GRIK2: variants seen among roughly 807,000 people sequenced by gnomAD.
GRIK2 encodes glutamate ionotropic receptor kainate type subunit 2.
GRIK2 carries 32 observed loss-of-function variants against 100.3 expected under a neutral mutation model. That is an observed-to-expected ratio of 0.32 (90% CI 0.24 to 0.43). The LOEUF (loss-of-function observed/expected upper bound fraction) is 0.43, where lower values mean the gene tolerates loss of function less well. GRIK2 is among the 20% of genes least tolerant of loss of function. The pLI is 1.00. For missense variants in GRIK2, 843 were observed against 1,114.9 expected (o/e 0.76, Z 3.47); for synonymous variants, 417 against 389.4 (o/e 1.07, Z -0.83).
At chr6:101,823,122 C>T (rs1018249347) in intron 10 of GRIK2, among the ~76,000 whole-genome samples, 1 of 152,046 alleles carries the variant, frequency 6.6e-6, no homozygotes, top group African/African-American at 2.4e-5. Context: ...CTGCACTCCC[C>T]TCATTTAGTA....
chr6:101,930,435 G>A (rs762268647), intron 14 of GRIK2, among the ~76,000 whole-genome samples: 1 of 152,016 alleles, frequency 6.6e-6, no homozygotes, highest in African/African-American at 2.4e-5. Context: ...AAGTGAATGC[G>A]TGATGCATTT....
intron 6 of GRIK2, among the ~76,000 whole-genome samples, chr6:101,684,524 C>T (rs1771531194): frequency 1.3e-5 from 2 of 152,080 alleles, no homozygotes; most frequent in Admixed American, 6.6e-5. Flanking sequence ...TGTCAATCAT[C>T]AGCCCGGTCT....
In GRIK2 at chr6:101,721,203, T is replaced by C. The variant is rs183625422; in HGVS notation, c.951+34850T>C. On this transcript the variant is annotated intron_variant, in intron 7 of 16. Coordinates refer to ENST00000369134, the MANE Select transcript of GRIK2 (RefSeq NM_021956.5). Reference sequence around the variant, plus strand: ...TTTTTGCTGTCAGAACTTGTGGATGTCTCTTTTCTATTCTAAAAGGCAGTT... The same window carrying C: ...TTTTTGCTGTCAGAACTTGTGGATGCCTCTTTTCTATTCTAAAAGGCAGTT... Among the ~76,000 whole-genome samples the C allele has an allele frequency of 2.0e-5, 3 of 151,900 alleles. No individual in the cohort carries two copies. The East Asian group carries it at 5.8e-4, about 30-fold the overall frequency.
intron 4 of GRIK2, among the ~76,000 whole-genome samples, chr6:101,638,408 T>A (rs1004668379): frequency 1.3e-5 from 2 of 151,854 alleles, no homozygotes; most frequent in African/African-American, 4.8e-5. Flanking sequence ...GCAGGAGAGA[T>A]GTGTAGGGAG....
intron 9 of GRIK2, among the ~76,000 whole-genome samples, chr6:101,804,886 G>T (rs1201713850): frequency 6.6e-6 from 1 of 151,830 alleles, no homozygotes; most frequent in African/African-American, 2.4e-5. Context: ...ACTTGATTTT[G>T]ACTTAGAAGG....
rs141258852 is a variant in GRIK2 at position 101,402,436 on chromosome 6, G to C, written c.115+3044G>C. Among the ~76,000 whole-genome samples, 539 of 152,230 alleles carry C rather than the reference G, an allele frequency of 3.5e-3. 2 individuals carry two copies. The highest frequency in any genetic ancestry group is 0.012 in the African/African-American group (514 of 41,546). On this transcript the variant is annotated intron_variant, in intron 2 of 16. Coordinates refer to ENST00000369134, the MANE Select transcript of GRIK2 (RefSeq NM_021956.5). ...CTCCAGCCTCAGCCGACTCCCACTT[G>C]GCTGCACAGGCTGGCCTGCTCCTCT...
At chr6:101,425,466 C>G (rs534589235) in intron 2 of GRIK2, among the ~76,000 whole-genome samples, 1 of 152,098 alleles carries the variant, frequency 6.6e-6, no homozygotes, top group Non-Finnish European at 1.5e-5. Flanking sequence ...TAAGACATCA[C>G]TCACAAGAGC....
chr6:101,471,529 A>T (rs1433938015), intron 2 of GRIK2, among the ~76,000 whole-genome samples: 4 of 152,038 alleles, frequency 2.6e-5, no homozygotes, highest in African/African-American at 7.2e-5. Flanking sequence ...CATATCTTAC[A>T]GCTAAACACC....
chr6:101,697,701 G>A (rs1021047008), intron 7 of GRIK2, among the ~76,000 whole-genome samples: 1 of 151,956 alleles, frequency 6.6e-6, no homozygotes, highest in Non-Finnish European at 1.5e-5. Flanking sequence ...GAGAGCAAGA[G>A]TTTTGTAATC....
intron 14 of GRIK2, among the ~76,000 whole-genome samples, chr6:101,947,035 G>C (rs899534925): frequency 6.6e-6 from 1 of 152,012 alleles, no homozygotes; most frequent in Non-Finnish European, 1.5e-5. Flanking sequence ...CTTTTAAAAA[G>C]ATTTACATTC....
chr6:101,928,233 T>C (rs1790039100), intron 13 of GRIK2, 182 bp from the exon 14 acceptor site: 1 of 595,726 alleles, frequency 1.7e-6, no homozygotes. Flanking sequence ...TAAAAGATTG[T>C]CTATTTTCTG....
chr6:101,899,056 TGG>T (rs1787668258), intron 12 of GRIK2, among the ~76,000 whole-genome samples: 1 of 151,288 alleles, frequency 6.6e-6, no homozygotes, highest in Non-Finnish European at 1.5e-5. Flanking sequence ...TCAATCCTGT[TGG>T]GTATACATAT....
At chr6:101,455,823 C>A (rs775906357) in intron 2 of GRIK2, among the ~76,000 whole-genome samples, 1 of 152,038 alleles carries the variant, frequency 6.6e-6, no homozygotes, top group East Asian at 1.9e-4. Context: ...ATTTATGACT[C>A]AATGAGATAA....
intron 4 of GRIK2, among the ~76,000 whole-genome samples, chr6:101,652,617 G>T (rs1781854331): frequency 6.6e-6 from 1 of 152,084 alleles, no homozygotes; most frequent in Non-Finnish European, 1.5e-5. Flanking sequence ...TTGGTGTCAA[G>T]ATAAAACTTA....
chr6:101,486,767 C>T (rs903275284), intron 2 of GRIK2, among the ~76,000 whole-genome samples: 2 of 118,460 alleles, frequency 1.7e-5, no homozygotes, highest in Non-Finnish European at 3.6e-5. Context: ...AATACTTGCA[C>T]GTGTAAGATT....
intron 14 of GRIK2, among the ~76,000 whole-genome samples, chr6:102,008,139 G>A (rs1795338941): frequency 6.6e-6 from 1 of 152,090 alleles, no homozygotes; most frequent in African/African-American, 2.4e-5. Flanking sequence ...CAGATGTCAT[G>A]AAGTCTAGCT....
At chr6:102,014,113 A>G (rs1264669204) in intron 14 of GRIK2, among the ~76,000 whole-genome samples, 1 of 152,070 alleles carries the variant, frequency 6.6e-6, no homozygotes, top group Non-Finnish European at 1.5e-5. Context: ...TTTGGAGTTC[A>G]TTATTGTTCT....
At chr6:101,525,105 A>T (rs1388963278) in intron 2 of GRIK2, among the ~76,000 whole-genome samples, 1 of 152,200 alleles carries the variant, frequency 6.6e-6, no homozygotes, top group Non-Finnish European at 1.5e-5. Context: ...TGTCTATATG[A>T]TACCAAATTA....
intron 2 of GRIK2, among the ~76,000 whole-genome samples, chr6:101,522,507 C>T (rs928304027): frequency 6.6e-6 from 1 of 152,040 alleles, no homozygotes; most frequent in Non-Finnish European, 1.5e-5. Context: ...GTGATACTTC[C>T]ATCTTAACAT....
Sources: gnomAD v4.1 joint callset for allele counts (sites outside exome capture counted in the v4.1 genomes callset) on GRCh38, gnomAD v4.1.1 for gene constraint, MANE v1.5 for transcripts, NCBI Gene and HGNC (gene_info 2026-07-23, HGNC 2026-07-21) for gene names.